Variants in LGSN observed in about 807,000 individuals in gnomAD.
The protein encoded by LGSN is lengsin.
Under a neutral mutation model 19.5 loss-of-function variants are expected in LGSN, and 21 were observed. The ratio of observed to expected loss-of-function variants is 1.07; its 90% CI spans 0.76 to 1.55. The LOEUF is 1.55. Ranked by LOEUF, LGSN falls within the 40% of genes most tolerant of loss-of-function variation. LGSN has a pLI of 0.00. For synonymous variants in LGSN, 257 were observed against 215.6 expected, an observed-to-expected ratio of 1.19 and a Z score of -1.68; for missense variants, 673 against 608.5, an observed-to-expected ratio of 1.11 and a Z score of -1.12.
chr6:63,318,957 C>T (rs1768974617), intron 1 of LGSN, among the ~76,000 whole-genome samples: 1 of 152,200 alleles, frequency 6.6e-6, no homozygotes, highest in African/African-American at 2.4e-5. Flanking sequence ...ATCACATAAA[C>T]ATGTCCACCA....
the LGSN span, among the ~76,000 whole-genome samples, chr6:63,523,740 T>A: frequency 2.0e-5 from 3 of 152,168 alleles, no homozygotes; most frequent in African/African-American, 2.4e-5. Context: ...GCGATTTTTT[T>A]AAGCTCATCA....
At chr6:63,295,068 AAGCCAAATAAC>A in intron 1 of LGSN, 23 bp from the exon 2 acceptor site, 1 of 1,606,102 alleles carries the variant, frequency 6.2e-7, no homozygotes, top group Non-Finnish European at 8.5e-7. Flanking sequence ...AATAAACAAA[AAGCCAAATAAC>A]AGATTATTCA....
chr6:63,291,554 TCTC>T (rs1316325084), intron 2 of LGSN, among the ~76,000 whole-genome samples: 1 of 152,170 alleles, frequency 6.6e-6, no homozygotes, highest in African/African-American at 2.4e-5. Flanking sequence ...GCCATTCTGT[TCTC>T]CTGCTCTGTC....
At chr6:63,524,932 T>A in the LGSN span, among the ~76,000 whole-genome samples, 3 of 152,218 alleles carry the variant, frequency 2.0e-5, no homozygotes, top group African/African-American at 4.8e-5. Context: ...CATATAAGCA[T>A]TTTTTATGAA....
the LGSN span, among the ~76,000 whole-genome samples, chr6:63,530,448 A>G: frequency 1.3e-5 from 2 of 152,180 alleles, no homozygotes; most frequent in African/African-American, 2.4e-5. Context: ...AAGATGCTCT[A>G]GGTAAACATG....
At chr6:63,481,541 T>C in the LGSN span, among the ~76,000 whole-genome samples, 1 of 151,330 alleles carries the variant, frequency 6.6e-6, no homozygotes, top group Non-Finnish European at 1.5e-5. Flanking sequence ...AGAGACGGGG[T>C]TTCACTGTGT....
At chr6:63,297,018 T>A (rs898650435) in intron 1 of LGSN, among the ~76,000 whole-genome samples, 2 of 151,916 alleles carry the variant, frequency 1.3e-5, no homozygotes, top group Admixed American at 1.3e-4. Context: ...AAAATTTACC[T>A]AGTTACTAAC....
At chr6:63,538,482 G>A in the LGSN span, among the ~76,000 whole-genome samples, 12 of 152,146 alleles carry the variant, frequency 7.9e-5, no homozygotes, top group African/African-American at 2.9e-4. Context: ...TTGAATTCGA[G>A]ACACTAAGTG....
chr6:63,540,449 C>T, the LGSN span, among the ~76,000 whole-genome samples: 8 of 151,824 alleles, frequency 5.3e-5, no homozygotes, highest in African/African-American at 1.9e-4. Context: ...GGTGAAACCC[C>T]GTCTCTACTG....
the LGSN span, among the ~76,000 whole-genome samples, chr6:63,543,862 T>G: frequency 6.6e-6 from 1 of 152,232 alleles, no homozygotes; most frequent in Non-Finnish European, 1.5e-5. Flanking sequence ...CAAAGTAGAT[T>G]TCATTTTACT....
rs1410334362 is a variant in LGSN at position 63,276,326 on chromosome 6, A to C, written c.*3695T>G. The C allele has an allele frequency of 1.3e-5, 2 of 152,200 alleles. No individual in the cohort carries two copies. Among genetic ancestry groups the C allele is most frequent in the African/African-American group, 4.8e-5 (2 of 41,456 alleles). 9.4% of individuals were successfully genotyped at this position (152,200 alleles called of 1,614,324 possible). A position where few individuals can be genotyped will look rare whatever the true frequency, so the allele number is the denominator to read the frequency against. ...AATAATCATTTCAAGCGTTGTTGTT[A>C]TTCACACACTGTAAAATGAAATTTT... is the stretch of plus-strand genomic sequence containing the variant. On this transcript the variant is annotated 3_prime_UTR_variant, in exon 4 of 4. Transcript: ENST00000370657.
chr6:63,385,573 T>C, the LGSN span, among the ~76,000 whole-genome samples: 1 of 152,236 alleles, frequency 6.6e-6, no homozygotes, highest in Non-Finnish European at 1.5e-5. Flanking sequence ...CATCAGTTCT[T>C]AGTCTTCTTC....
intron 1 of LGSN, among the ~76,000 whole-genome samples, chr6:63,310,026 C>A (rs1768559732): frequency 6.6e-6 from 1 of 152,236 alleles, no homozygotes; most frequent in South Asian, 2.1e-4. Flanking sequence ...TAAGGCTCTG[C>A]ATAATCCAGG....
chr6:63,329,984 A>T, the LGSN span, among the ~76,000 whole-genome samples: 1 of 152,168 alleles, frequency 6.6e-6, no homozygotes, highest in African/African-American at 2.4e-5. Context: ...GAGGAAGTCA[A>T]TTTCCTGGCC....
chr6:63,356,969 C>T, the LGSN span, among the ~76,000 whole-genome samples: 1 of 147,196 alleles, frequency 6.8e-6, no homozygotes, highest in African/African-American at 2.5e-5. Context: ...CTCCTAATGC[C>T]ATCCCTCCCC....
chr6:63,567,544 G>T, the LGSN span, among the ~76,000 whole-genome samples: 1 of 152,342 alleles, frequency 6.6e-6, no homozygotes, highest in East Asian at 1.9e-4. Flanking sequence ...CAGATGTGCT[G>T]TCAACCAGGT....
At chr6:63,390,176 C>T in the LGSN span, among the ~76,000 whole-genome samples, 1 of 123,318 alleles carries the variant, frequency 8.1e-6, no homozygotes, top group Non-Finnish European at 1.6e-5. Context: ...GTCACCCAGG[C>T]TGGAGTGCAG....
At chr6:63,521,288 T>C in the LGSN span, among the ~76,000 whole-genome samples, 1 of 152,196 alleles carries the variant, frequency 6.6e-6, no homozygotes, top group South Asian at 2.1e-4. Flanking sequence ...AATTTTTTAG[T>C]GTTGCACAGA....
chr6:63,342,757 A>G, the LGSN span, among the ~76,000 whole-genome samples: 4 of 152,200 alleles, frequency 2.6e-5, no homozygotes, highest in Non-Finnish European at 5.9e-5. Context: ...CCCTTTTTAC[A>G]TCGATCAGAA....
Sources: gnomAD v4.1 joint callset for allele counts (sites outside exome capture counted in the v4.1 genomes callset) on GRCh38, gnomAD v4.1.1 for gene constraint, MANE v1.5 for transcripts, NCBI Gene and HGNC (gene_info 2026-07-23, HGNC 2026-07-21) for gene names.